PCDHGB4: variants seen among roughly 807,000 people sequenced by gnomAD.
PCDHGB4 encodes the protein protocadherin gamma-B4.
A neutral mutation model predicts 60.5 loss-of-function variants in PCDHGB4; 38 were observed. The ratio of observed to expected loss-of-function variants is 0.63; its 90% CI spans 0.48 to 0.82. The LOEUF is 0.82. PCDHGB4 is among the 40% of genes least tolerant of loss of function. The probability of loss-of-function intolerance (pLI) is 0.00; values close to 1 mark genes in which losing one functional copy is unlikely to be tolerated. For missense variants in PCDHGB4, 1,109 were observed against 1,209.6 expected (o/e 0.92, Z 1.23); for synonymous variants, 456 against 509.7 (o/e 0.89, Z 1.42).
intron 1 of PCDHGB4, among the ~76,000 whole-genome samples, chr5:141,453,067 C>T (rs1227122711): frequency 1.3e-5 from 2 of 152,024 alleles, no homozygotes; most frequent in Admixed American, 6.6e-5. Flanking sequence ...AGAGTTTTGC[C>T]ACACTCTGGT....
chr5:141,471,964 T>C lies in PCDHGB4; in HGVS notation c.2398-22843T>C, dbSNP rs138170906. Among the ~76,000 whole-genome samples, 591 of 152,278 alleles carry C rather than the reference T, an allele frequency of 3.9e-3. 6 individuals are homozygous for C. Among genetic ancestry groups the C allele is most frequent in the Admixed American group, 0.011 (171 of 15,292 alleles). On this transcript the variant is annotated intron_variant, in intron 1 of 3. Transcript: ENST00000519479. ...TCTAAAACTGGATTGTGGGGTTGGT[T>C]GCATTACTGTATAAATTTATTAAAA...
At position 141,485,240 on chromosome 5, in the gene PCDHGB4, C is replaced by G; in HGVS notation, c.2398-9567C>G. On this transcript the variant is annotated intron_variant, in intron 1 of 3. Coordinates refer to ENST00000519479, the MANE Select transcript of PCDHGB4 (RefSeq NM_003736.4). This position sits in a 1 kb window ranked among gnomAD's most constrained non-coding sequence, Gnocchi z 5.7. The stretch of plus-strand genomic sequence containing the variant: ...GGCTACCCTTTTGTTCCTCTTTTAC[C>G]ACCTGGGTTACGTTTGTGGGCAGAT... The G allele has an allele frequency of 6.2e-7, 1 of 1,614,174 alleles. No individual in the cohort carries two copies. The highest frequency in any genetic ancestry group is 8.5e-7 in the Non-Finnish European group (1 of 1,180,024).
intron 1 of PCDHGB4, chr5:141,421,154 G>A: frequency 8.7e-7 from 1 of 1,151,318 alleles, no homozygotes; most frequent in South Asian, 1.6e-5. Flanking sequence ...GTCGGCCTAG[G>A]ACTTCATAGA....
Position 141,431,151 on chromosome 5 carries a change from C to A in PCDHGB4, c.2397+40870C>A, listed in dbSNP as rs764416448. On this transcript the variant is annotated intron_variant, in intron 1 of 3. Transcript: ENST00000519479. This position sits in a 1 kb window ranked among gnomAD's most constrained non-coding sequence, Gnocchi z 4.8. Reference sequence around the variant, plus strand: ...GTAAGGGACATTAACGACAATGCGCCTTACTTTCGTGAAAGTGAATTAGAA... The same window carrying A: ...GTAAGGGACATTAACGACAATGCGCATTACTTTCGTGAAAGTGAATTAGAA... 7.4e-6 allele frequency: 12 copies of A among 1,614,126 alleles called. No individual in the cohort carries two copies. Among genetic ancestry groups the A allele is most frequent in the Middle Eastern group, 1.6e-4 (1 of 6,084 alleles).
At chr5:141,474,361 T>C (rs2099347915) in intron 1 of PCDHGB4, among the ~76,000 whole-genome samples, 2 of 152,210 alleles carry the variant, frequency 1.3e-5, no homozygotes, top group South Asian at 2.1e-4. Context: ...CATGTCTCAG[T>C]AGGTCTAGAG....
At chr5:141,399,415 T>C in intron 1 of PCDHGB4, 1 of 1,613,974 alleles carries the variant, frequency 6.2e-7, no homozygotes, top group Non-Finnish European at 8.5e-7. Context: ...GCCCCTCTCC[T>C]CCAGCATAAG....
intron 1 of PCDHGB4, chr5:141,478,333 G>T: frequency 6.2e-7 from 1 of 1,613,928 alleles, no homozygotes; most frequent in Non-Finnish European, 8.5e-7. Context: ...GAACACCAGG[G>T]CCCTCCTTGC....
At position 141,477,781 on chromosome 5, in the gene PCDHGB4, A is replaced by G; in HGVS notation, c.2398-17026A>G. 6.2e-7 allele frequency: 1 copy of G among 1,614,036 alleles called. No homozygotes were observed. Among genetic ancestry groups the G allele is most frequent in the South Asian group, 1.1e-5 (1 of 91,090 alleles). Reference sequence around the variant, plus strand: ...TAGCCACCAACATCAGCGTGAACATATTTGTCACTGATCGCAATGACAATG... The same window carrying G: ...TAGCCACCAACATCAGCGTGAACATGTTTGTCACTGATCGCAATGACAATG... On this transcript the variant is annotated intron_variant, in intron 1 of 3. Coordinates refer to ENST00000519479, the MANE Select transcript of PCDHGB4 (RefSeq NM_003736.4). The surrounding 1 kb of genome is among the most constrained non-coding windows in gnomAD (Gnocchi z 4.9).
intron 1 of PCDHGB4, among the ~76,000 whole-genome samples, chr5:141,455,860 A>T (rs1032468147): frequency 1.4e-5 from 2 of 139,848 alleles, no homozygotes; most frequent in South Asian, 2.3e-4. Context: ...AATTTCTTTT[A>T]TTATTTATTT....
rs530194567 is a variant in PCDHGB4, at chr5:141,417,884, C to G, written c.2397+27603C>G. On this transcript the variant is annotated intron_variant, in intron 1 of 3. Transcript: ENST00000519479. ...GATGGGAGGGAGCTGCGCGCAGAGG[C>G]GCCGGGCCGGCCCGCGGCAGGTACT... 2.1e-4 allele frequency: 327 copies of G among 1,561,600 alleles called. No individual in the cohort carries two copies. In the South Asian group the frequency reaches 3.4e-3, roughly 16 times the overall value.
chr5:141,424,616 T>C (rs1487572877), intron 1 of PCDHGB4: 1 of 152,152 alleles, frequency 6.6e-6, no homozygotes, highest in Non-Finnish European at 1.5e-5. Flanking sequence ...TCAAATAGAG[T>C]AGTTTGTGAA....
intron 1 of PCDHGB4, among the ~76,000 whole-genome samples, chr5:141,435,760 T>TTGGTGAATTC (rs2097778609): frequency 1.3e-5 from 2 of 152,172 alleles, no homozygotes; most frequent in African/African-American, 4.8e-5. Context: ...TTGATTTCTT[T>TTGGTGAATTC]TGGTGAATTC....
intron 1 of PCDHGB4, among the ~76,000 whole-genome samples, chr5:141,470,430 T>C (rs994304635): frequency 6.6e-6 from 1 of 152,232 alleles, no homozygotes; most frequent in Non-Finnish European, 1.5e-5. Flanking sequence ...TTTCCTTGTG[T>C]GCAATAATTT....
rs143779180 is a variant in PCDHGB4 at position 141,485,438 on chromosome 5, C to A, written c.2398-9369C>A. The A allele has an allele frequency of 9.9e-6, 16 of 1,614,170 alleles. No individual in the cohort carries two copies. The African/African-American group carries it at 1.3e-4, about 13-fold the overall frequency. Reference sequence around the variant, plus strand: ...CAGCGGAGCCCTGCTCATCAAGAACCCAATCGACCGAGAGGCACTGTGTGG... The same window carrying A: ...CAGCGGAGCCCTGCTCATCAAGAACACAATCGACCGAGAGGCACTGTGTGG... On this transcript the variant is annotated intron_variant, in intron 1 of 3. Coordinates refer to ENST00000519479, the MANE Select transcript of PCDHGB4 (RefSeq NM_003736.4). The surrounding 1 kb of genome is among the most constrained non-coding windows in gnomAD (Gnocchi z 5.7).
intron 1 of PCDHGB4, chr5:141,415,444 T>A (rs770800491): frequency 1.9e-6 from 3 of 1,614,184 alleles, no homozygotes; most frequent in Non-Finnish European, 2.5e-6. Context: ...CCTGCAGACC[T>A]ATTCCCACGA....
chr5:141,433,047 C>T (rs1561867159), intron 1 of PCDHGB4: 1 of 1,614,046 alleles, frequency 6.2e-7, no homozygotes, highest in African/African-American at 1.3e-5. Flanking sequence ...ACCACGGACT[C>T]GCGGAAGAGT....
rs1407038729 is a variant in PCDHGB4, at chr5:141,388,729, G to T, written c.845G>T (p.Ser282Ile). Reference sequence around the variant, plus strand: ...AATGCCGAGATTACTTTCTCTTTCAGTGAAGCTAGCCAGATCACCCAATTT... The same window carrying T: ...AATGCCGAGATTACTTTCTCTTTCATTGAAGCTAGCCAGATCACCCAATTT... ...GVNAEITFSFSEASQITQFDL... is the reference protein window; with the variant it reads ...GVNAEITFSFIEASQITQFDL... The change falls in exon 1 of 4, where the codon AGT (serine) becomes ATT (isoleucine). Residue 282 changes from serine to isoleucine, a missense_variant. Transcript: ENST00000519479. 6.2e-6 allele frequency: 10 copies of T among 1,614,012 alleles called. No homozygotes were observed. Among genetic ancestry groups the T allele is most frequent in the Non-Finnish European group, 8.5e-6 (10 of 1,179,892 alleles).
chr5:141,439,652 T>G (rs1047430832), intron 1 of PCDHGB4, among the ~76,000 whole-genome samples: 1 of 152,208 alleles, frequency 6.6e-6, no homozygotes, highest in African/African-American at 2.4e-5. Context: ...GTGGCTTTTC[T>G]AATTTCATGG....
At chr5:141,460,981 G>GTATA (rs1491204135) in intron 1 of PCDHGB4, among the ~76,000 whole-genome samples, 10 of 121,884 alleles carry the variant, frequency 8.2e-5, no homozygotes, top group African/African-American at 3.1e-4. Context: ...GTGTGTGTGT[G>GTATA]TGTATATATA....
Sources: gnomAD v4.1 joint callset for allele counts (sites outside exome capture counted in the v4.1 genomes callset) on GRCh38, gnomAD v4.1.1 for gene constraint, Gnocchi (gnomAD v3.1) non-coding constraint, MANE v1.5 for transcripts, NCBI Gene and HGNC (gene_info 2026-07-23, HGNC 2026-07-21) for gene names.